NDUFS2: variants seen among roughly 807,000 people sequenced by gnomAD.
The protein encoded by NDUFS2 is NADH:ubiquinone oxidoreductase core subunit S2, also known as NADH dehydrogenase [ubiquinone] iron-sulfur protein 2, mitochondrial.
Under a neutral mutation model 69.6 loss-of-function variants are expected in NDUFS2, and 38 were observed. The observed-to-expected ratio is 0.55, with a 90% CI of 0.42 to 0.72. The LOEUF is 0.72. NDUFS2 is among the 30% of genes least tolerant of loss of function. The pLI, the probability that NDUFS2 is intolerant of heterozygous loss-of-function variation, is 0.00. For missense variants in NDUFS2, 468 were observed against 595.0 expected (o/e 0.79, Z 2.22); for synonymous variants, 194 against 211.2 (o/e 0.92, Z 0.70).
chr1:161,202,101 T>C (rs976322871), upstream of NDUFS2: 21 of 517,934 alleles, frequency 4.1e-5, no homozygotes, highest in Non-Finnish European at 6.0e-5. Context: ...GAGCACGAAG[T>C]ATCTGCCCCA....
At chr1:161,198,525 C>T (rs541775593), upstream of NDUFS2, 80 of 1,567,130 alleles carry the variant, frequency 5.1e-5, 2 homozygotes, top group South Asian at 9.0e-4. The surrounding 1 kb of genome is among the most constrained non-coding windows in gnomAD (Gnocchi z 4.7). Context: ...AGCAGCCACA[C>T]CAGCCAGGAG....
At chr1:161,210,038 G>T in intron 6 of NDUFS2, 73 bp from the exon 7 acceptor site, 1 of 1,589,810 alleles carries the variant, frequency 6.3e-7, no homozygotes, top group South Asian at 1.1e-5. Context: ...TATCGCTGGG[G>T]GAGGGGGTGC....
chr1:161,214,317 G>A lies in NDUFS2; in HGVS notation c.*124G>A, dbSNP rs921386149. On this transcript the variant is annotated 3_prime_UTR_variant, in exon 14 of 14. Transcript: ENST00000676972. ...TGTGTGTGTATGTTCATGTACACTTGGCTGTCAGGCTTTCTGTGCATGTAC... is the reference window on the plus strand; with the variant it reads ...TGTGTGTGTATGTTCATGTACACTTAGCTGTCAGGCTTTCTGTGCATGTAC... The A allele has an allele frequency of 3.0e-5, 28 of 922,426 alleles. No homozygotes were observed. Among genetic ancestry groups the A allele is most frequent in the Non-Finnish European group, 4.5e-5 (26 of 579,336 alleles). 57.1% of individuals were successfully genotyped at this position (922,426 alleles called of 1,614,324 possible).
chr1:161,213,600 A>G (rs1361394207), intron 11 of NDUFS2, 49 bp from the exon 12 acceptor site: 1 of 1,598,102 alleles, frequency 6.3e-7, no homozygotes, highest in Admixed American at 1.7e-5. Context: ...TTGGCAGAGA[A>G]AAATACTCTT....
At chr1:161,198,849 T>A, upstream of NDUFS2, 1 of 474,076 alleles carries the variant, frequency 2.1e-6, no homozygotes, top group Non-Finnish European at 3.7e-6. The surrounding 1 kb of genome is among the most constrained non-coding windows in gnomAD (Gnocchi z 4.7). Context: ...CAAACTCTCC[T>A]CCTGAGCCCT....
upstream of NDUFS2, chr1:161,202,272 T>C (rs1558081221): frequency 9.5e-7 from 1 of 1,051,246 alleles, no homozygotes; most frequent in South Asian, 1.3e-5. Context: ...TAAACGACCC[T>C]GCCAGCTTCC....
intron 2 of NDUFS2, 177 bp downstream of exon 2, chr1:161,203,720 C>T: frequency 1.5e-6 from 1 of 656,584 alleles, no homozygotes; most frequent in Non-Finnish European, 2.8e-6. Context: ...CTCAGCCTCC[C>T]CAGAAAGCCG....
intron 9 of NDUFS2, among the ~76,000 whole-genome samples, chr1:161,211,782 T>C (rs1453479861): frequency 6.6e-6 from 1 of 152,228 alleles, no homozygotes; most frequent in Non-Finnish European, 1.5e-5. Flanking sequence ...ACTGCTGTTA[T>C]TTTTGTTTGT....
intron 12 of NDUFS2, 36 bp downstream of exon 12, chr1:161,213,768 A>G: frequency 6.2e-7 from 1 of 1,613,032 alleles, no homozygotes; most frequent in Non-Finnish European, 8.5e-7. Context: ...ACTCCAATGA[A>G]TTAAACCTGA....
intron 9 of NDUFS2, among the ~76,000 whole-genome samples, chr1:161,211,522 T>C (rs1346242139): frequency 2.6e-5 from 4 of 152,122 alleles, no homozygotes; most frequent in Non-Finnish European, 5.9e-5. Flanking sequence ...TGGTGGTACA[T>C]GCCTGTAAGT....
intron 4 of NDUFS2, 60 bp from the exon 5 acceptor site, chr1:161,209,423 G>C (rs1304325228): frequency 6.2e-7 from 1 of 1,609,118 alleles, no homozygotes; most frequent in Admixed American, 1.7e-5. Context: ...GCTCTGCCCA[G>C]ACCTCTCTGT....
chr1:161,200,321 G>A (rs1489863903), upstream of NDUFS2, among the ~76,000 whole-genome samples: 2 of 152,030 alleles, frequency 1.3e-5, no homozygotes, highest in Non-Finnish European at 2.9e-5. Flanking sequence ...GAGGGAACTC[G>A]GAAAAGAGGT....
chr1:161,202,736 C>T (rs1411599290), intron 1 of NDUFS2, among the ~76,000 whole-genome samples: 1 of 152,176 alleles, frequency 6.6e-6, no homozygotes, highest in African/African-American at 2.4e-5. Flanking sequence ...TGCACCTCTC[C>T]TGTCATACCT....
At position 161,209,486 on chromosome 1, in the gene NDUFS2, T is replaced by C; in HGVS notation, c.518T>C (p.Leu173Pro). The change falls in exon 5 of 14, where the codon CTG becomes CCG. Residue 173 changes from leucine (L) to proline (P), a missense_variant. Physicochemically the swap from Leu to Pro is moderately conservative, Grantham distance 98. This residue lies in a region of NDUFS2 where 339 missense variants were observed against 433.8 expected (regional missense o/e 0.78). Coordinates refer to ENST00000676972, the MANE Select transcript of NDUFS2 (RefSeq NM_001377299.1). ...TGTCTTCTCCTTGTCTTCACAGTGCTGTTTGGAGAAATCACACGTTTGTTG... is the reference window on the plus strand; with the variant it reads ...TGTCTTCTCCTTGTCTTCACAGTGCCGTTTGGAGAAATCACACGTTTGTTG... ...PPPRAQWIRV[L>P]FGEITRLLNH... The C allele has an allele frequency of 6.2e-7, 1 of 1,613,842 alleles. No individual in the cohort carries two copies. The highest frequency in any genetic ancestry group is 8.5e-7 in the Non-Finnish European group (1 of 1,179,938).
At chr1:161,213,778 A>C in intron 12 of NDUFS2, 46 bp downstream of exon 12, 1 of 1,612,648 alleles carries the variant, frequency 6.2e-7, no homozygotes, top group Non-Finnish European at 8.5e-7. Context: ...ATTAAACCTG[A>C]CCTTGGTTGA....
chr1:161,202,489 G>T lies in NDUFS2; in HGVS notation c.95+9G>T, dbSNP rs377100925. 3 of 1,607,406 alleles carry T rather than the reference G, an allele frequency of 1.9e-6. No homozygotes were observed. The South Asian group carries it at 3.3e-5, about 18-fold the overall frequency. On this transcript the variant is annotated intron_variant, in intron 1 of 13. Coordinates refer to ENST00000676972, the MANE Select transcript of NDUFS2 (RefSeq NM_001377299.1). ...CCGATTCAGCCCAGCAGGTGAGATC[G>T]AGGGCAGCTCTCGACACACTTTCTC...
rs755626092 is a variant in NDUFS2 at position 161,203,518 on chromosome 1, C to T, written c.177C>T (p.Ala59=). The T allele has an allele frequency of 3.0e-5, 49 of 1,613,636 alleles. No individual in the cohort carries two copies. In the Admixed American group the frequency reaches 8.2e-4, roughly 27 times the overall value. ...GAVMYPSKET[A]HWKPPPWNDV... ...TTATGTACCCAAGCAAAGAAACAGC[C>T]CACTGGAAGCCTCCACCTTGGAATG... The change falls in exon 2 of 14, where the codon GCC becomes GCT. Residue 59 remains alanine (A), a synonymous_variant. Transcript: ENST00000676972.
chr1:161,214,012 T>A, intron 13 of NDUFS2, 91 bp downstream of exon 13: 2 of 1,613,698 alleles, frequency 1.2e-6, no homozygotes, highest in Non-Finnish European at 1.7e-6. Flanking sequence ...CTGTTCACCA[T>A]AGGCCATGGC....
At position 161,210,095 on chromosome 1, in the gene NDUFS2, TC is replaced by T. The variant is rs753855010; in HGVS notation, c.703-14del. On this transcript the variant is annotated splice_polypyrimidine_tract_variant and intron_variant, in intron 6 of 13. Transcript: ENST00000676972. The stretch of plus-strand genomic sequence containing the variant: ...AGGCTATGCCACATTCAGTAGCACT[TC>T]CGTTTGGCTTCTAGGACCTACCCCT... The T allele has an allele frequency of 2.3e-5, 37 of 1,613,272 alleles. No individual in the cohort carries two copies. Among genetic ancestry groups the T allele is most frequent in the Non-Finnish European group, 2.7e-5 (32 of 1,179,366 alleles).
Sources: allele counts gnomAD v4.1 joint callset (sites outside exome capture counted in the v4.1 genomes callset), GRCh38; gene constraint gnomAD v4.1.1; regional missense constraint gnomAD v4.1.1; non-coding constraint Gnocchi (gnomAD v3.1); transcripts MANE v1.5; gene names NCBI Gene and HGNC (gene_info 2026-07-23, HGNC 2026-07-21).